Variants in XRCC5 observed in about 807,000 individuals in gnomAD.
XRCC5 encodes the protein DNA repair protein Ku80.
XRCC5 carries 12 observed loss-of-function variants against 95.7 expected under a neutral mutation model. That is an observed-to-expected ratio of 0.13 (90% CI 0.08 to 0.20). XRCC5 has a LOEUF of 0.20. XRCC5 is among the 10% of genes least tolerant of loss of function. The pLI is 1.00. For synonymous variants in XRCC5, 281 were observed against 290.3 expected (o/e 0.97, Z 0.33); for missense variants, 595 against 873.9 (o/e 0.68, Z 4.02).
chr2:216,174,886 TG>T, intron 16 of XRCC5: 1 of 329,980 alleles, frequency 3.0e-6, no homozygotes, highest in South Asian at 3.1e-5. Context: ...AGCCCCTCTC[TG>T]CTGTTTTTAG....
At chr2:216,115,714 G>T (rs190577255) in intron 2 of XRCC5, among the ~76,000 whole-genome samples, 115 of 152,104 alleles carry the variant, frequency 7.6e-4, no homozygotes, top group African/African-American at 2.3e-3. Context: ...ATTTCATTAT[G>T]AAATATTTCA....
intron 7 of XRCC5, 107 bp from the exon 8 acceptor site, chr2:216,127,429 T>A: frequency 1.5e-6 from 2 of 1,294,136 alleles, no homozygotes; most frequent in Non-Finnish European, 2.1e-6. Context: ...GGAGCTAGAG[T>A]AATTGTTCTG....
At chr2:216,147,276 G>T (rs77302211) in intron 13 of XRCC5, among the ~76,000 whole-genome samples, 8,812 of 152,204 alleles carry the variant, frequency 0.058, 809 homozygotes, top group African/African-American at 0.2. Context: ...TGAGCTTGGT[G>T]TATGAGCGAA....
intron 16 of XRCC5, 22 bp downstream of exon 16, chr2:216,162,070 T>C (rs1688963723): frequency 1.2e-6 from 2 of 1,606,052 alleles, no homozygotes; most frequent in East Asian, 4.5e-5. Context: ...ACTTTGCATT[T>C]AGGAGAAGCT....
rs1392037614 is a variant in XRCC5 at position 216,205,229 on chromosome 2, G to A, written c.*27G>A. The A allele has an allele frequency of 3.7e-6, 6 of 1,613,838 alleles. No homozygotes were observed. Among genetic ancestry groups the A allele is most frequent in the Non-Finnish European group, 5.1e-6 (6 of 1,179,846 alleles). The stretch of plus-strand genomic sequence containing the variant: ...TCGTGGATGTATGGGGAATCTAAGA[G>A]AGCTGCCATCGCTGTGATGCTGGGA... On this transcript the variant is annotated 3_prime_UTR_variant, in exon 21 of 21. Transcript: ENST00000392132.
intron 6 of XRCC5, among the ~76,000 whole-genome samples, chr2:216,123,655 A>C (rs1056446819): frequency 2.0e-5 from 3 of 152,128 alleles, no homozygotes; most frequent in African/African-American, 7.2e-5. Context: ...AAAATAAAAA[A>C]ATTAGCTGGG....
intron 14 of XRCC5, among the ~76,000 whole-genome samples, chr2:216,158,656 T>G (rs1224909218): frequency 6.6e-6 from 1 of 152,222 alleles, no homozygotes; most frequent in Non-Finnish European, 1.5e-5. Context: ...CTTGTAATGT[T>G]TCCTGGTTCC....
intron 14 of XRCC5, chr2:216,156,650 A>G: frequency 1.8e-6 from 1 of 553,378 alleles, no homozygotes; most frequent in African/African-American, 1.9e-5. Context: ...GTGACCCCAA[A>G]TGCAAGAGCT....
chr2:216,118,277 A>G (rs705652), intron 4 of XRCC5, among the ~76,000 whole-genome samples: 64,234 of 151,536 alleles, frequency 0.42, 15,395 homozygotes, highest in Non-Finnish European at 0.56. Flanking sequence ...CCTGGGCTCA[A>G]GAGATCCTTG....
intron 19 of XRCC5, among the ~76,000 whole-genome samples, chr2:216,200,009 ATTGGCCATTTTACCAATTGGTG>A (rs143500682): frequency 0.031 from 4,739 of 152,038 alleles, 234 homozygotes; most frequent in African/African-American, 0.1. Context: ...ATAGATAGCA[ATTGGCCATTTTACCAATTGGTG>A]TTGGCCATTT....
At chr2:216,144,940 T>C (rs73058455) in intron 13 of XRCC5, among the ~76,000 whole-genome samples, 11,270 of 152,084 alleles carry the variant, frequency 0.074, 1,378 homozygotes, top group African/African-American at 0.26. Context: ...CATACCCCAA[T>C]AAAAATCAGC....
chr2:216,129,989 C>A (rs750202099), intron 8 of XRCC5, among the ~76,000 whole-genome samples: 28 of 152,134 alleles, frequency 1.8e-4, no homozygotes, highest in Admixed American at 9.2e-4. Flanking sequence ...AAGTGTGTTT[C>A]TTTTTAATAA....
intron 14 of XRCC5, among the ~76,000 whole-genome samples, chr2:216,152,069 A>C (rs1309730398): frequency 6.6e-6 from 1 of 152,210 alleles, no homozygotes; most frequent in Non-Finnish European, 1.5e-5. Flanking sequence ...CAAGATTAGC[A>C]TGAGGGAACC....
At chr2:216,180,407 C>G (rs551449675) in intron 16 of XRCC5, among the ~76,000 whole-genome samples, 16 of 152,356 alleles carry the variant, frequency 1.1e-4, no homozygotes, top group African/African-American at 3.8e-4. Context: ...GGGTGGATCA[C>G]TTGAAGCCAG....
chr2:216,142,851 T>C (rs1697194510), intron 13 of XRCC5, among the ~76,000 whole-genome samples: 1 of 152,198 alleles, frequency 6.6e-6, no homozygotes, highest in Admixed American at 6.5e-5. Flanking sequence ...AAAAAATCTT[T>C]TGTTCTAAAA....
chr2:216,122,344 G>A, intron 6 of XRCC5, 91 bp downstream of exon 6: 5 of 1,236,220 alleles, frequency 4.0e-6, no homozygotes, highest in Non-Finnish European at 5.6e-6. Context: ...TCCTTTTTCT[G>A]GGCCACTCTC....
intron 6 of XRCC5, among the ~76,000 whole-genome samples, chr2:216,125,545 G>A (rs185004592): frequency 6.6e-6 from 1 of 152,270 alleles, no homozygotes; most frequent in East Asian, 1.9e-4. Context: ...GGAGTTGGTA[G>A]TGAATCCTTT....
At chr2:216,134,990 G>A (rs1395905054) in intron 10 of XRCC5, among the ~76,000 whole-genome samples, 1 of 152,222 alleles carries the variant, frequency 6.6e-6, no homozygotes, top group Non-Finnish European at 1.5e-5. Flanking sequence ...GCCTGGCAAA[G>A]AACAGGCACT....
At chr2:216,183,406 G>A (rs1689428854) in intron 16 of XRCC5, among the ~76,000 whole-genome samples, 1 of 152,106 alleles carries the variant, frequency 6.6e-6, no homozygotes, top group Non-Finnish European at 1.5e-5. Context: ...AGAAATTACT[G>A]CACTTAATGA....
Sources: allele counts gnomAD v4.1 joint callset (sites outside exome capture counted in the v4.1 genomes callset), GRCh38; gene constraint gnomAD v4.1.1; transcripts MANE v1.5; gene names NCBI Gene and HGNC (gene_info 2026-07-23, HGNC 2026-07-21).